Variants in SCHIP1 observed in about 807,000 individuals in gnomAD.
SCHIP1 encodes the protein schwannomin-interacting protein 1.
A neutral mutation model predicts 29.7 loss-of-function variants in SCHIP1; 8 were observed. The observed-to-expected ratio is 0.27, with a 90% CI of 0.16 to 0.49. The LOEUF (loss-of-function observed/expected upper bound fraction) is 0.49, where lower values mean the gene tolerates loss of function less well. SCHIP1 is among the 20% of genes least tolerant of loss of function. SCHIP1 has a pLI of 0.99. For missense variants in SCHIP1, 193 were observed against 294.6 expected (o/e 0.66, Z 2.52); for synonymous variants, 76 against 94.9 (o/e 0.80, Z 1.16).
the SCHIP1 span, among the ~76,000 whole-genome samples, chr3:159,726,183 A>C: frequency 6.6e-6 from 1 of 152,208 alleles, no homozygotes. Flanking sequence ...GTTGAAGCCC[A>C]GTGTCTTTAA....
At chr3:159,495,506 A>G in the SCHIP1 span, among the ~76,000 whole-genome samples, 1 of 152,218 alleles carries the variant, frequency 6.6e-6, no homozygotes, top group Non-Finnish European at 1.5e-5. Flanking sequence ...TCCCATTCAC[A>G]ATTGCTTCAA....
At chr3:159,807,516 T>G in the SCHIP1 span, among the ~76,000 whole-genome samples, 1 of 152,192 alleles carries the variant, frequency 6.6e-6, no homozygotes, top group Non-Finnish European at 1.5e-5. Context: ...AATAAGAGTA[T>G]TTTTAGAATT....
At chr3:159,532,003 C>T in the SCHIP1 span, among the ~76,000 whole-genome samples, 22 of 152,224 alleles carry the variant, frequency 1.4e-4, no homozygotes, top group African/African-American at 5.1e-4. Flanking sequence ...AACATGTCAA[C>T]AAAACAGAAG....
At chr3:159,557,633 T>G in the SCHIP1 span, among the ~76,000 whole-genome samples, 2 of 152,186 alleles carry the variant, frequency 1.3e-5, no homozygotes, top group Non-Finnish European at 2.9e-5. Flanking sequence ...CTGGGCAACA[T>G]AGTGAGACAC....
chr3:159,501,672 C>T, the SCHIP1 span, among the ~76,000 whole-genome samples: 68 of 152,250 alleles, frequency 4.5e-4, no homozygotes, highest in African/African-American at 1.6e-3. Context: ...TATGATTACT[C>T]AATTTCATAC....
chr3:159,668,029 T>G, the SCHIP1 span, among the ~76,000 whole-genome samples: 1 of 152,196 alleles, frequency 6.6e-6, no homozygotes, highest in Admixed American at 6.5e-5. Context: ...TTAGAACACT[T>G]AGCAACAGCC....
the SCHIP1 span, among the ~76,000 whole-genome samples, chr3:159,598,484 G>C: frequency 6.6e-6 from 1 of 152,190 alleles, no homozygotes; most frequent in African/African-American, 2.4e-5. Flanking sequence ...CAATCCAGTG[G>C]GACAGTCATT....
the SCHIP1 span, among the ~76,000 whole-genome samples, chr3:159,562,796 T>C: frequency 7.2e-5 from 11 of 152,290 alleles, no homozygotes; most frequent in East Asian, 1.7e-3. Context: ...ATTAATGAAC[T>C]GGGTGCCACA....
chr3:159,553,108 C>G, the SCHIP1 span, among the ~76,000 whole-genome samples: 1 of 151,984 alleles, frequency 6.6e-6, no homozygotes, highest in Non-Finnish European at 1.5e-5. Context: ...AATAATTTTC[C>G]TTTCTAATCA....
At chr3:159,699,894 A>G in the SCHIP1 span, among the ~76,000 whole-genome samples, 1 of 152,230 alleles carries the variant, frequency 6.6e-6, no homozygotes, top group Non-Finnish European at 1.5e-5. Context: ...TTTCCAAGTT[A>G]GGCAAAGAAG....
intron 5 of SCHIP1, 135 bp downstream of exon 6, chr3:159,889,078 C>T: frequency 8.1e-7 from 1 of 1,235,998 alleles, no homozygotes; most frequent in Non-Finnish European, 1.1e-6. Flanking sequence ...AAGAGAATCA[C>T]AAGGCTCTTT....
At chr3:159,783,557 T>G in the SCHIP1 span, among the ~76,000 whole-genome samples, 2 of 152,208 alleles carry the variant, frequency 1.3e-5, no homozygotes, top group East Asian at 1.9e-4. Context: ...TTCCTGTAGT[T>G]GATTTGAAAT....
At chr3:159,726,718 C>T in the SCHIP1 span, among the ~76,000 whole-genome samples, 934 of 152,188 alleles carry the variant, frequency 6.1e-3, 10 homozygotes, top group Admixed American at 0.022. Flanking sequence ...AAAATAGGGC[C>T]CCCTGCAGCC....
chr3:159,579,551 A>G, the SCHIP1 span, among the ~76,000 whole-genome samples: 1 of 152,232 alleles, frequency 6.6e-6, no homozygotes, highest in Non-Finnish European at 1.5e-5. Flanking sequence ...CATGAACACC[A>G]ATGGCAGATG....
At chr3:159,498,566 G>T in the SCHIP1 span, among the ~76,000 whole-genome samples, 1 of 152,164 alleles carries the variant, frequency 6.6e-6, no homozygotes, top group East Asian at 1.9e-4. Flanking sequence ...TTACATGGAA[G>T]TTTAGGAATG....
chr3:159,624,899 G>T, the SCHIP1 span, among the ~76,000 whole-genome samples: 2 of 152,246 alleles, frequency 1.3e-5, no homozygotes, highest in East Asian at 1.9e-4. Flanking sequence ...AGCTTCCCTT[G>T]TGTGCAAGGT....
chr3:159,392,704 G>T, the SCHIP1 span, among the ~76,000 whole-genome samples: 4 of 151,870 alleles, frequency 2.6e-5, no homozygotes, highest in African/African-American at 9.7e-5. Flanking sequence ...TCTTAATCCA[G>T]TCTATCATTG....
chr3:159,793,170 C>T, the SCHIP1 span, among the ~76,000 whole-genome samples: 2 of 152,110 alleles, frequency 1.3e-5, no homozygotes, highest in Non-Finnish European at 2.9e-5. Flanking sequence ...CCCAAGAAAT[C>T]GCATCCCCCA....
At chr3:159,354,868 A>T in the SCHIP1 span, among the ~76,000 whole-genome samples, 11 of 152,208 alleles carry the variant, frequency 7.2e-5, no homozygotes, top group African/African-American at 2.4e-4. Flanking sequence ...TTGATTCTTC[A>T]TGGCAGTATT....
Sources: gnomAD v4.1 joint callset for allele counts (sites outside exome capture counted in the v4.1 genomes callset) on GRCh38, gnomAD v4.1.1 for gene constraint, MANE v1.5 for transcripts, NCBI Gene and HGNC (gene_info 2026-07-23, HGNC 2026-07-21) for gene names.